The following PTPRD variants were observed in gnomAD, a reference collection of about 807,000 sequenced individuals.
The protein encoded by PTPRD is receptor-type tyrosine-protein phosphatase delta.
PTPRD carries 34 observed loss-of-function variants against 214.5 expected under a neutral mutation model. The observed-to-expected ratio is 0.16, with a 90% CI of 0.12 to 0.21. The LOEUF (loss-of-function observed/expected upper bound fraction) is 0.21, where lower values mean the gene tolerates loss of function less well. Ranked by LOEUF, PTPRD falls within the 10% of genes least tolerant of loss-of-function variation. PTPRD has a pLI of 1.00. For missense variants in PTPRD, 2,545 were observed against 2,398.7 expected (o/e 1.06, Z -1.27); for synonymous variants, 1,128 against 845.7 (o/e 1.33, Z -5.79).
chr9:9,050,318 G>A (rs1285801125), intron 10 of PTPRD, among the ~76,000 whole-genome samples: 2 of 152,184 alleles, frequency 1.3e-5, no homozygotes, highest in African/African-American at 2.4e-5. Flanking sequence ...GATGAAGGCA[G>A]TAAAGTTCAG....
chr9:10,449,071 G>T (rs1400896508), intron 2 of PTPRD, among the ~76,000 whole-genome samples: 3 of 151,298 alleles, frequency 2.0e-5, no homozygotes, highest in Non-Finnish European at 4.4e-5. Context: ...CACTTTCCAC[G>T]GTCTCCCTCT....
At chr9:9,591,645 G>C (rs2092742203) in intron 7 of PTPRD, among the ~76,000 whole-genome samples, 1 of 152,054 alleles carries the variant, frequency 6.6e-6, no homozygotes, top group Non-Finnish European at 1.5e-5. Flanking sequence ...ATTTAGCTAT[G>C]TATTTTTCTG....
intron 10 of PTPRD, among the ~76,000 whole-genome samples, chr9:9,072,803 G>C (rs894636132): frequency 1.3e-5 from 2 of 152,136 alleles, no homozygotes; most frequent in Non-Finnish European, 2.9e-5. Flanking sequence ...ATGTTACATG[G>C]AGTCACATTT....
chr9:9,849,516 G>T (rs949193749), intron 5 of PTPRD, among the ~76,000 whole-genome samples: 3 of 151,998 alleles, frequency 2.0e-5, no homozygotes, highest in Admixed American at 6.6e-5. Flanking sequence ...TGATGCTATT[G>T]TCCATTCCAA....
chr9:9,003,718 A>G (rs751816841), intron 11 of PTPRD, among the ~76,000 whole-genome samples: 7 of 152,012 alleles, frequency 4.6e-5, no homozygotes, highest in Non-Finnish European at 1.0e-4. Context: ...CTTCAAATCT[A>G]TTCTCCTTAA....
intron 2 of PTPRD, among the ~76,000 whole-genome samples, chr9:10,577,206 C>A (rs1218757529): frequency 1.3e-5 from 2 of 152,068 alleles, no homozygotes; most frequent in Non-Finnish European, 2.9e-5. Flanking sequence ...AGTAAGTTAA[C>A]TGATATACCC....
At chr9:8,813,314 A>T (rs1229259144) in intron 11 of PTPRD, among the ~76,000 whole-genome samples, 1 of 152,200 alleles carries the variant, frequency 6.6e-6, no homozygotes, top group East Asian at 1.9e-4. Flanking sequence ...CCAGCCACAA[A>T]GGAATAGCTT....
At chr9:9,453,174 T>G (rs1028164618) in intron 8 of PTPRD, among the ~76,000 whole-genome samples, 12 of 151,518 alleles carry the variant, frequency 7.9e-5, no homozygotes, top group African/African-American at 2.9e-4. Flanking sequence ...CCTGCAAACT[T>G]AAATAATGTT....
chr9:9,492,968 A>G (rs1569568780), intron 8 of PTPRD, among the ~76,000 whole-genome samples: 1 of 146,610 alleles, frequency 6.8e-6, no homozygotes, highest in Non-Finnish European at 1.5e-5. Context: ...AACATACTAG[A>G]TAAATGTATG....
intron 9 of PTPRD, among the ~76,000 whole-genome samples, chr9:9,206,511 T>G (rs541315735): frequency 1.2e-4 from 18 of 152,114 alleles, no homozygotes; most frequent in African/African-American, 4.3e-4. Flanking sequence ...GTCTGTGAGG[T>G]TGTTGCCAAA....
At chr9:9,936,758 A>G (rs1648118484) in intron 5 of PTPRD, among the ~76,000 whole-genome samples, 1 of 139,972 alleles carries the variant, frequency 7.1e-6, no homozygotes, top group Non-Finnish European at 1.5e-5. Flanking sequence ...TCATGCTGCT[A>G]TAAAGACACA....
chr9:9,683,196 T>C (rs962686567), intron 7 of PTPRD, among the ~76,000 whole-genome samples: 1 of 151,788 alleles, frequency 6.6e-6, no homozygotes, highest in Non-Finnish European at 1.5e-5. Context: ...ATGACAGTTA[T>C]ATTCAATGAG....
At chr9:9,683,816 G>A (rs944004527) in intron 7 of PTPRD, among the ~76,000 whole-genome samples, 19 of 151,660 alleles carry the variant, frequency 1.3e-4, no homozygotes, top group East Asian at 1.9e-4. Flanking sequence ...TCATTTTAAC[G>A]AATTGATATT....
At chr9:9,334,374 T>A (rs2043575411) in intron 9 of PTPRD, among the ~76,000 whole-genome samples, 2 of 151,968 alleles carry the variant, frequency 1.3e-5, no homozygotes, top group African/African-American at 4.8e-5. Flanking sequence ...GAAGCAAGCA[T>A]CAGGTCAGTA....
intron 10 of PTPRD, among the ~76,000 whole-genome samples, chr9:9,101,710 G>C (rs2099791631): frequency 6.6e-6 from 1 of 152,164 alleles, no homozygotes; most frequent in South Asian, 2.1e-4. Context: ...TGTCACTTAT[G>C]CATGTTACCC....
At chr9:10,007,469 C>T (rs557636893) in intron 4 of PTPRD, among the ~76,000 whole-genome samples, 143 of 152,092 alleles carry the variant, frequency 9.4e-4, no homozygotes, top group African/African-American at 3.4e-3. Context: ...TTCTGAATTA[C>T]TTGTCCTTGG....
rs189231818 is a variant in PTPRD at position 10,220,848 on chromosome 9, A to G, written c.-545+120115T>C. 5.9e-5 allele frequency among the ~76,000 whole-genome samples: 9 copies of G among 151,952 alleles called. No homozygotes were observed. In the East Asian group the frequency reaches 1.6e-3, roughly 26 times the overall value. The stretch of plus-strand genomic sequence containing the variant: ...TTATAAATGGCATTAAATTTATGCA[A>G]TTTTGAAGTATGAGACTCAGGCTTG... On this transcript the variant is annotated intron_variant, in intron 3 of 45. Coordinates refer to ENST00000381196, the MANE Select transcript of PTPRD (RefSeq NM_002839.4).
chr9:10,505,971 G>A (rs1364147586), intron 2 of PTPRD, among the ~76,000 whole-genome samples: 1 of 151,950 alleles, frequency 6.6e-6, no homozygotes, highest in Non-Finnish European at 1.5e-5. Flanking sequence ...ATAGTCTTGA[G>A]GTATGTCAGC....
chr9:9,987,506 A>G (rs117264896), intron 4 of PTPRD, among the ~76,000 whole-genome samples: 4 of 152,182 alleles, frequency 2.6e-5, no homozygotes, highest in East Asian at 1.9e-4. Context: ...AAACCATCCA[A>G]TCTCATGAGA....
Sources: gnomAD v4.1 joint callset for allele counts (sites outside exome capture counted in the v4.1 genomes callset) on GRCh38, gnomAD v4.1.1 for gene constraint, MANE v1.5 for transcripts, NCBI Gene and HGNC (gene_info 2026-07-23, HGNC 2026-07-21) for gene names.